Variants in RADX observed in about 807,000 individuals in gnomAD.
The protein encoded by RADX is RPA1 related single stranded DNA binding protein, X-linked, also known as RPA-related protein RADX.
In RADX, 36 loss-of-function variants were observed where a neutral mutation model predicts 61.6. That is an observed-to-expected ratio of 0.58 (90% CI 0.45 to 0.77). The LOEUF (loss-of-function observed/expected upper bound fraction) is 0.77, where lower values mean the gene tolerates loss of function less well. RADX is among the 30% of genes least tolerant of loss of function. The pLI is 0.00. For synonymous variants in RADX, 272 were observed against 237.9 expected, an observed-to-expected ratio of 1.14 and a Z score of -1.32; for missense variants, 497 against 651.1, an observed-to-expected ratio of 0.76 and a Z score of 2.58.
intron 3 of RADX, among the ~76,000 whole-genome samples, chrX:106,630,741 A>T (rs1479769932): frequency 1.3e-4 from 15 of 111,189 alleles, no homozygotes; most frequent in Non-Finnish European, 5.7e-5. Flanking sequence ...AACAGCACAC[A>T]CTGTGGCCTA....
chrX:106,640,424 C>A, intron 9 of RADX, 128 bp from the exon 10 acceptor site: 1 of 427,606 alleles, frequency 2.3e-6, no homozygotes, highest in Non-Finnish European at 4.0e-6. Flanking sequence ...TTCATAAAAG[C>A]ACTGTTATGA....
chrX:106,634,512 A>G (rs1022624223), intron 6 of RADX, among the ~76,000 whole-genome samples: 6 of 111,516 alleles, frequency 5.4e-5, no homozygotes, highest in African/African-American at 2.0e-4. Context: ...CACTATATAT[A>G]GGGCTGTTCT....
At chrX:106,644,738 T>C (rs1216877723) in intron 10 of RADX, among the ~76,000 whole-genome samples, 3 of 111,223 alleles carry the variant, frequency 2.7e-5, no homozygotes, top group Admixed American at 1.9e-4. Flanking sequence ...CTTTTATGGA[T>C]GTGTCTTTGT....
intron 1 of RADX, among the ~76,000 whole-genome samples, chrX:106,619,435 T>C (rs1267087781): frequency 1.8e-5 from 2 of 111,771 alleles, no homozygotes; most frequent in Non-Finnish European, 3.8e-5. Context: ...TTTTTCAGGA[T>C]TGTTCTAAGT....
chrX:106,642,158 T>C (rs1002046891), intron 10 of RADX, among the ~76,000 whole-genome samples: 1 of 111,073 alleles, frequency 9.0e-6, no homozygotes, highest in African/African-American at 3.3e-5. Flanking sequence ...TTTATGGGGG[T>C]ACATGAGATG....
intron 1 of RADX, among the ~76,000 whole-genome samples, chrX:106,622,030 G>C (rs1342714117): frequency 9.4e-6 from 1 of 106,227 alleles, no homozygotes; most frequent in Admixed American, 1.0e-4. Flanking sequence ...TCAGCTGCCT[G>C]GGCTCAGGTG....
At chrX:106,651,671 C>G (rs1927796061) in intron 11 of RADX, among the ~76,000 whole-genome samples, 1 of 111,196 alleles carries the variant, frequency 9.0e-6, no homozygotes, top group Admixed American at 9.7e-5. Context: ...TTAAAGCATT[C>G]TAAGATCATT....
chrX:106,621,582 T>C (rs1926942087), intron 1 of RADX, among the ~76,000 whole-genome samples: 1 of 112,167 alleles, frequency 8.9e-6, no homozygotes, highest in Non-Finnish European at 1.9e-5. Flanking sequence ...TTTTTAGCAG[T>C]TTTTGAACTT....
chrX:106,624,547 A>C (rs756107841), intron 2 of RADX, among the ~76,000 whole-genome samples: 84 of 111,756 alleles, frequency 7.5e-4, no homozygotes, highest in African/African-American at 2.5e-3. Context: ...CTTACCTTAC[A>C]GGATTGATGT....
intron 8 of RADX, chrX:106,638,206 A>G (rs1230785967): frequency 4.8e-6 from 1 of 210,384 alleles, no homozygotes; most frequent in Non-Finnish European, 8.4e-6. Context: ...AACTGGAGAT[A>G]TAGGTTGAGT....
chrX:106,669,693 C>T (rs755103044), intron 13 of RADX, among the ~76,000 whole-genome samples: 18 of 111,761 alleles, frequency 1.6e-4, no homozygotes, highest in Non-Finnish European at 3.4e-4. Context: ...CCTGAAATTA[C>T]AATAACTCTA....
intron 1 of RADX, among the ~76,000 whole-genome samples, chrX:106,613,883 T>C (rs1034369338): frequency 8.9e-6 from 1 of 112,289 alleles, no homozygotes; most frequent in East Asian, 2.8e-4. Flanking sequence ...GAATTGAATA[T>C]GTAAATGAAA....
At chrX:106,644,797 G>A (rs1927616093) in intron 10 of RADX, among the ~76,000 whole-genome samples, 1 of 111,362 alleles carries the variant, frequency 9.0e-6, no homozygotes, top group Non-Finnish European at 1.9e-5. Flanking sequence ...GGGTTTGGAA[G>A]TATTCCTTCC....
chrX:106,646,549 A>G (rs778146550), intron 10 of RADX, among the ~76,000 whole-genome samples: 1 of 111,636 alleles, frequency 9.0e-6, no homozygotes, highest in South Asian at 3.7e-4. Flanking sequence ...ATAGAAGTTT[A>G]TTCACAGTAC....
chrX:106,620,089 C>T (rs1233833356), intron 1 of RADX, among the ~76,000 whole-genome samples: 1 of 111,299 alleles, frequency 9.0e-6, no homozygotes, highest in Non-Finnish European at 1.9e-5. Context: ...CTTATGCTCT[C>T]GCAAGTGTAC....
intron 10 of RADX, among the ~76,000 whole-genome samples, chrX:106,643,358 CT>C (rs1927571473): frequency 9.0e-6 from 1 of 110,518 alleles, no homozygotes; most frequent in Admixed American, 9.6e-5. Flanking sequence ...TCCATTTTTG[CT>C]TTGGTTGCCT....
chrX:106,618,549 C>T (rs935061358), intron 1 of RADX, among the ~76,000 whole-genome samples: 6 of 110,760 alleles, frequency 5.4e-5, no homozygotes, highest in Non-Finnish European at 9.5e-5. Context: ...CCACGGCGAG[C>T]GGATTGCTTG....
intron 1 of RADX, among the ~76,000 whole-genome samples, chrX:106,616,890 A>G (rs1926815977): frequency 9.2e-6 from 1 of 108,983 alleles, no homozygotes; most frequent in Non-Finnish European, 1.9e-5. Flanking sequence ...TTTCACTGAT[A>G]TTTTCACTTT....
intron 1 of RADX, among the ~76,000 whole-genome samples, chrX:106,621,287 A>G (rs950002287): frequency 1.8e-5 from 2 of 112,544 alleles, no homozygotes; most frequent in Non-Finnish European, 3.7e-5. Flanking sequence ...GTTTTATAGT[A>G]TAGACATAAT....
Sources: allele counts gnomAD v4.1 joint callset (sites outside exome capture counted in the v4.1 genomes callset), GRCh38; gene constraint gnomAD v4.1.1; transcripts MANE v1.5; gene names NCBI Gene and HGNC (gene_info 2026-07-23, HGNC 2026-07-21).